DEPTOR: variants seen among roughly 807,000 people sequenced by gnomAD.
DEPTOR encodes DEP domain containing MTOR interacting protein, also known as DEP domain-containing mTOR-interacting protein.
DEPTOR carries 41 observed loss-of-function variants against 41.6 expected under a neutral mutation model. The observed-to-expected ratio is 0.98, with a 90% CI of 0.77 to 1.28. DEPTOR has a LOEUF of 1.28. DEPTOR is among the 50% of genes most tolerant of loss of function. DEPTOR has a pLI of 0.00. For synonymous variants in DEPTOR, 195 were observed against 192.3 expected (o/e 1.01, Z -0.12); for missense variants, 514 against 527.9 (o/e 0.97, Z 0.26).
rs545077094 is a variant in DEPTOR at position 119,976,369 on chromosome 8, G to A, written c.604+10959G>A. ...TATTGGTTTGGCGCATATATATGTC[G>A]TATCAGCAAAAAATACGATATATAT... On this transcript the variant is annotated intron_variant, in intron 4 of 8. Transcript: ENST00000286234. Among the ~76,000 whole-genome samples the A allele has an allele frequency of 5.9e-5, 9 of 151,954 alleles. 1 individual carries two copies. The South Asian group carries it at 8.3e-4, about 14-fold the overall frequency.
intron 8 of DEPTOR, among the ~76,000 whole-genome samples, chr8:120,041,289 A>G (rs992125770): frequency 6.6e-6 from 1 of 152,214 alleles, no homozygotes; most frequent in African/African-American, 2.4e-5. Context: ...ACGCCAGCCT[A>G]TAAGAACAAA....
intron 4 of DEPTOR, among the ~76,000 whole-genome samples, chr8:119,972,154 C>A (rs375309316): frequency 6.6e-6 from 1 of 152,304 alleles, no homozygotes; most frequent in East Asian, 1.9e-4. Flanking sequence ...CAGCATCTAC[C>A]TCTTATGGCC....
intron 1 of DEPTOR, among the ~76,000 whole-genome samples, chr8:119,921,109 T>G (rs1408495338): frequency 6.6e-6 from 1 of 152,098 alleles, no homozygotes; most frequent in African/African-American, 2.4e-5. Flanking sequence ...GCATAGTAGC[T>G]GGGACTAAAG....
chr8:120,025,452 A>T (rs974344070), intron 8 of DEPTOR, among the ~76,000 whole-genome samples: 17 of 152,140 alleles, frequency 1.1e-4, no homozygotes, highest in African/African-American at 3.4e-4. Context: ...GAGAGAAATG[A>T]TGGAAAGCCA....
At chr8:119,937,628 GA>G (rs2129881259) in intron 3 of DEPTOR, among the ~76,000 whole-genome samples, 1 of 152,274 alleles carries the variant, frequency 6.6e-6, no homozygotes, top group South Asian at 2.1e-4. Context: ...GAACTGTTAG[GA>G]GTCTGAGATT....
chr8:119,907,612 G>A (rs962717293), intron 1 of DEPTOR, among the ~76,000 whole-genome samples: 1 of 152,148 alleles, frequency 6.6e-6, no homozygotes, highest in Non-Finnish European at 1.5e-5. Flanking sequence ...GGCCAACATG[G>A]TGAAACCCCA....
intron 4 of DEPTOR, among the ~76,000 whole-genome samples, chr8:119,975,413 G>T (rs1300891181): frequency 1.3e-5 from 2 of 152,096 alleles, no homozygotes; most frequent in Non-Finnish European, 2.9e-5. Context: ...TACAATAGGG[G>T]TATTGCAATA....
At chr8:119,929,464 A>G (rs2129852806) in intron 2 of DEPTOR, among the ~76,000 whole-genome samples, 1 of 152,106 alleles carries the variant, frequency 6.6e-6, no homozygotes, top group Non-Finnish European at 1.5e-5. Flanking sequence ...TCCTTACCTC[A>G]CTAGATTTCA....
intron 1 of DEPTOR, among the ~76,000 whole-genome samples, chr8:119,919,164 T>G (rs568094458): frequency 6.6e-6 from 1 of 152,180 alleles, no homozygotes; most frequent in East Asian, 1.9e-4. Flanking sequence ...TGATCCTATT[T>G]CATGTAAAAA....
At chr8:119,893,366 C>G (rs1827475102) in intron 1 of DEPTOR, among the ~76,000 whole-genome samples, 1 of 152,180 alleles carries the variant, frequency 6.6e-6, no homozygotes, top group African/African-American at 2.4e-5. Flanking sequence ...GTCAGCAGTT[C>G]TGGAAGAACG....
intron 8 of DEPTOR, among the ~76,000 whole-genome samples, chr8:120,036,250 A>G (rs998504292): frequency 6.6e-6 from 1 of 152,234 alleles, no homozygotes; most frequent in African/African-American, 2.4e-5. Flanking sequence ...TCAATTTGAA[A>G]CAAAAATGCT....
At chr8:120,000,981 A>T (rs916991265) in intron 4 of DEPTOR, among the ~76,000 whole-genome samples, 1 of 151,700 alleles carries the variant, frequency 6.6e-6, no homozygotes, top group Admixed American at 6.6e-5. Context: ...GGAGGCTGAG[A>T]CAGGAGAATC....
At chr8:120,017,343 A>G (rs543109520) in intron 8 of DEPTOR, among the ~76,000 whole-genome samples, 17 of 152,142 alleles carry the variant, frequency 1.1e-4, no homozygotes, top group South Asian at 2.1e-4. Flanking sequence ...GTTAGATTCA[A>G]ATCTGATTTA....
intron 1 of DEPTOR, 134 bp from the exon 2 acceptor site, chr8:119,928,265 CA>C (rs1385879203): frequency 1.1e-5 from 10 of 923,644 alleles, no homozygotes; most frequent in Non-Finnish European, 1.4e-5. Context: ...GTATGGAAAT[CA>C]CCAAGCGAGC....
chr8:119,935,321 C>T (rs1828096571), intron 3 of DEPTOR, among the ~76,000 whole-genome samples: 1 of 152,164 alleles, frequency 6.6e-6, no homozygotes, highest in South Asian at 2.1e-4. Flanking sequence ...GTACTCATAA[C>T]TTAAAAGAAC....
Position 120,009,124 on chromosome 8 carries a change from A to G in DEPTOR, c.1092A>G (p.Ala364=), listed in dbSNP as rs751954770. 99 of 1,613,756 alleles carry G rather than the reference A, an allele frequency of 6.1e-5. No individual in the cohort carries two copies. The highest frequency in any genetic ancestry group is 8.0e-5 in the Non-Finnish European group (94 of 1,179,942). The change falls in exon 8 of 9, where the codon GCA becomes GCG. Residue 364 remains alanine, a synonymous_variant. Transcript: ENST00000286234. ...ACCCCAGTGGCCCTGCAGCCGCAGC[A>G]GGAATGAAGGTACTAACGGGTCTTT... The part of the protein sequence containing the change: ...AVDPSGPAAA[A]GMKVCQFVVS...
At chr8:120,026,748 G>A (rs1035235069) in intron 8 of DEPTOR, among the ~76,000 whole-genome samples, 6 of 152,146 alleles carry the variant, frequency 3.9e-5, no homozygotes, top group Non-Finnish European at 5.9e-5. Context: ...TCCTGACCAT[G>A]CTGTTAAGTA....
chr8:119,889,627 AAGGGAAGGGGAGGGGAGG>A (rs1827422913), intron 1 of DEPTOR, among the ~76,000 whole-genome samples: 1 of 20,454 alleles, frequency 4.9e-5, no homozygotes, highest in African/African-American at 1.2e-4. Context: ...GAGGGGAGGG[AAGGGAAGGGGAGGGGAGG>A]GGAGGATGGG....
intron 3 of DEPTOR, among the ~76,000 whole-genome samples, chr8:119,960,960 CA>C (rs1828482524): frequency 6.6e-6 from 1 of 151,700 alleles, no homozygotes; most frequent in Admixed American, 6.6e-5. Flanking sequence ...GCCTGGGTGA[CA>C]AGAGTGAAAC....
Sources: allele counts gnomAD v4.1 joint callset (sites outside exome capture counted in the v4.1 genomes callset), GRCh38; gene constraint gnomAD v4.1.1; transcripts MANE v1.5; gene names NCBI Gene and HGNC (gene_info 2026-07-23, HGNC 2026-07-21).